CPAMD8: variants seen among roughly 807,000 people sequenced by gnomAD.
CPAMD8 encodes the protein C3 and PZP like alpha-2-macroglobulin domain containing 8.
CPAMD8 carries 146 observed loss-of-function variants against 224.7 expected under a neutral mutation model. The ratio of observed to expected loss-of-function variants is 0.65; its 90% CI spans 0.57 to 0.75. The LOEUF (loss-of-function observed/expected upper bound fraction) is 0.75, where lower values mean the gene tolerates loss of function less well. Ranked by LOEUF, CPAMD8 falls within the 30% of genes least tolerant of loss-of-function variation. The pLI, the probability that CPAMD8 is intolerant of heterozygous loss-of-function variation, is 0.00. For synonymous variants in CPAMD8, 966 were observed against 1,044.6 expected (o/e 0.92, Z 1.45); for missense variants, 2,301 against 2,537.5 (o/e 0.91, Z 2.00).
chr19:16,948,703 C>T (rs930252206), intron 20 of CPAMD8, among the ~76,000 whole-genome samples: 1 of 150,324 alleles, frequency 6.7e-6, no homozygotes, highest in Non-Finnish European at 1.5e-5. Flanking sequence ...CACTGCACTC[C>T]AGCCTGGGCA....
At chr19:16,992,687 G>A (rs2055996205) in intron 12 of CPAMD8, among the ~76,000 whole-genome samples, 1 of 152,088 alleles carries the variant, frequency 6.6e-6, no homozygotes, top group African/African-American at 2.4e-5. Context: ...CCTGACCTCA[G>A]GTGATCCATC....
In CPAMD8 at chr19:16,975,228, A is replaced by G; in HGVS notation, c.1939T>C (p.Ser647Pro). Residue 647 changes from serine (S) to proline (P), a missense_variant, in exon 17 of 42, where the codon TCT becomes CCT. This residue lies in a region of CPAMD8 where 1,709 missense variants were observed against 1,753.2 expected (regional missense o/e 0.97). Coordinates refer to ENST00000443236, the MANE Select transcript of CPAMD8 (RefSeq NM_015692.5). ...VFQELEDYDV[S>P]DSFGVSREDG... ...TCCCTGGACACGCCAAAGGAATCAG[A>G]AACATCATAATCTTCCAGTTCCTGG... 1 of 1,608,566 alleles carries G rather than the reference A, an allele frequency of 6.2e-7. No homozygotes were observed. The highest frequency in any genetic ancestry group is 2.2e-5 in the East Asian group (1 of 44,790).
intron 3 of CPAMD8, among the ~76,000 whole-genome samples, chr19:17,013,068 C>A (rs1294770320): frequency 6.6e-6 from 1 of 152,016 alleles, no homozygotes; most frequent in African/African-American, 2.4e-5. Flanking sequence ...GTAATCCCAG[C>A]TACTCGGGAG....
At chr19:16,985,341 G>A (rs376937318) in intron 13 of CPAMD8, among the ~76,000 whole-genome samples, 5 of 79,570 alleles carry the variant, frequency 6.3e-5, no homozygotes, top group Non-Finnish European at 1.1e-4. Flanking sequence ...TGGATGAAGG[G>A]CGGATGGATG....
intron 27 of CPAMD8, among the ~76,000 whole-genome samples, chr19:16,920,412 G>A (rs990890987): frequency 1.3e-5 from 2 of 152,164 alleles, no homozygotes; most frequent in East Asian, 1.9e-4. Flanking sequence ...CCCAGGGGGC[G>A]GAGCTTGCAG....
rs780228442 is a variant in CPAMD8 at position 16,970,953 on chromosome 19, G to A, written c.2151C>T (p.Val717=). The change falls in exon 18 of 42, where the codon GTC becomes GTT. Residue 717 remains valine (V), a synonymous_variant. Transcript: ENST00000443236. The part of the protein sequence containing the change: ...QDGGLYTDEA[V]PAFQPHTGSL... ...TCCCTGTGTGGGGCTGGAAAGCGGG[G>A]ACAGCCTCATCGGTGTAGAGGCCAC... 21 of 1,613,776 alleles carry A rather than the reference G, an allele frequency of 1.3e-5. No individual in the cohort carries two copies. In the East Asian group the frequency reaches 4.7e-4, roughly 36 times the overall value.
chr19:17,004,524 C>T, intron 7 of CPAMD8, 138 bp from the exon 8 acceptor site: 3 of 611,304 alleles, frequency 4.9e-6, no homozygotes, highest in East Asian at 2.8e-5. Flanking sequence ...GAGAAGCTGG[C>T]GGGGTCTGTG....
chr19:16,950,820 AAGAG>A (rs1015248096), intron 20 of CPAMD8, among the ~76,000 whole-genome samples: 2 of 150,530 alleles, frequency 1.3e-5, no homozygotes, highest in African/African-American at 2.5e-5. Context: ...AAAAAAGAGA[AAGAG>A]AGAGAAAGAA....
At chr19:16,979,730 C>T (rs1456642517) in intron 14 of CPAMD8, among the ~76,000 whole-genome samples, 8 of 152,180 alleles carry the variant, frequency 5.3e-5, no homozygotes, top group Admixed American at 5.2e-4. Context: ...GCTCAATATC[C>T]TACAGTGCCT....
At chr19:17,026,468 G>T in intron 1 of CPAMD8, 83 bp downstream of exon 1, 2 of 1,352,696 alleles carry the variant, frequency 1.5e-6, no homozygotes, top group East Asian at 6.2e-5. Flanking sequence ...GCCTTGGGCA[G>T]GTCGCTGCAA....
chr19:16,958,066 T>C (rs942970504), intron 18 of CPAMD8, 151 bp from the exon 19 acceptor site: 2 of 695,076 alleles, frequency 2.9e-6, no homozygotes, highest in Non-Finnish European at 4.8e-6. Flanking sequence ...GGATATAACA[T>C]GTTAATTCTC....
chr19:16,985,236 G>A (rs866413921), intron 13 of CPAMD8, among the ~76,000 whole-genome samples: 2 of 152,138 alleles, frequency 1.3e-5, no homozygotes, highest in Non-Finnish European at 2.9e-5. Context: ...ATGGATGGAT[G>A]AAGGGAGGGA....
chr19:16,964,255 G>T (rs2054749619), intron 18 of CPAMD8, among the ~76,000 whole-genome samples: 1 of 152,058 alleles, frequency 6.6e-6, no homozygotes. Context: ...CCAGGAGCTG[G>T]TTTTTTGAAA....
intron 23 of CPAMD8, among the ~76,000 whole-genome samples, chr19:16,932,929 T>C (rs994377322): frequency 2.0e-5 from 3 of 152,206 alleles, no homozygotes; most frequent in African/African-American, 4.8e-5. Context: ...ATATCATTTT[T>C]TTCTTTTACT....
chr19:16,956,833 A>G (rs927474749), intron 19 of CPAMD8, among the ~76,000 whole-genome samples: 4 of 151,468 alleles, frequency 2.6e-5, no homozygotes, highest in African/African-American at 9.7e-5. Flanking sequence ...ATGCCCAGCT[A>G]TTTTTTGCGT....
Position 16,996,198 on chromosome 19 carries a change from C to T in CPAMD8, c.1095+913G>A, listed in dbSNP as rs555355060. ...TTTAAAAATAAAAAAATTTGCTGGGCGTGGTGGCTCATGCCTGCAGTCCCA... is the reference window on the plus strand; with the variant it reads ...TTTAAAAATAAAAAAATTTGCTGGGTGTGGTGGCTCATGCCTGCAGTCCCA... On this transcript the variant is annotated intron_variant, in intron 11 of 41. Transcript: ENST00000443236. 2.8e-4 allele frequency among the ~76,000 whole-genome samples: 42 copies of T among 151,422 alleles called. No homozygotes were observed. In the Middle Eastern group the frequency reaches 0.017, roughly 61 times the overall value.
rs774715250 is a variant in CPAMD8 at position 16,904,218 on chromosome 19, C to A, written c.4251+8G>T. ...CTGAGCCCCTCCCTCTGGCCCTGCCCGGCTCGCCTGAGTGGAGGAGAAGCC... is the reference window on the plus strand; with the variant it reads ...CTGAGCCCCTCCCTCTGGCCCTGCCAGGCTCGCCTGAGTGGAGGAGAAGCC... On this transcript the variant is annotated splice_region_variant and intron_variant, in intron 32 of 41. Transcript: ENST00000443236. The A allele has an allele frequency of 1.1e-5, 17 of 1,603,492 alleles. No homozygotes were observed. The South Asian group carries it at 1.9e-4, about 18-fold the overall frequency.
chr19:16,924,087 GC>G (rs983770053), intron 26 of CPAMD8, among the ~76,000 whole-genome samples: 3 of 152,164 alleles, frequency 2.0e-5, no homozygotes, highest in African/African-American at 7.2e-5. Flanking sequence ...CAGGAGAGAG[GC>G]CTGGGACAGT....
chr19:16,984,420 G>A (rs1248404179), intron 13 of CPAMD8, among the ~76,000 whole-genome samples: 1 of 150,702 alleles, frequency 6.6e-6, no homozygotes, highest in Non-Finnish European at 1.5e-5. Context: ...AGACCTAAAT[G>A]TAAGAGCTGA....
Sources: gnomAD v4.1 joint callset for allele counts (sites outside exome capture counted in the v4.1 genomes callset) on GRCh38, gnomAD v4.1.1 for gene constraint, gnomAD v4.1.1 regional missense constraint, MANE v1.5 for transcripts, NCBI Gene and HGNC (gene_info 2026-07-23, HGNC 2026-07-21) for gene names.